The following NTM variants were observed in gnomAD, a reference collection of about 807,000 sequenced individuals.
The protein encoded by NTM is neurotrimin.
In NTM, 13 loss-of-function variants were observed where a neutral mutation model predicts 42.1. The ratio of observed to expected loss-of-function variants is 0.31; its 90% CI spans 0.20 to 0.49. The LOEUF is 0.49. Ranked by LOEUF, NTM falls within the 20% of genes least tolerant of loss-of-function variation. NTM has a pLI of 0.99. For missense variants in NTM, 373 were observed against 452.8 expected, an observed-to-expected ratio of 0.82 and a Z score of 1.60; for synonymous variants, 187 against 179.2, an observed-to-expected ratio of 1.04 and a Z score of -0.35.
chr11:131,680,768 C>CTT (rs1565415309), intron 1 of NTM, among the ~76,000 whole-genome samples: 1 of 117,278 alleles, frequency 8.5e-6, no homozygotes, highest in South Asian at 3.1e-4. Flanking sequence ...TGAGATCATG[C>CTT]CTATGTCTAT....
chr11:131,479,645 A>C (rs1953335685), intron 1 of NTM, among the ~76,000 whole-genome samples: 1 of 152,222 alleles, frequency 6.6e-6, no homozygotes, highest in South Asian at 2.1e-4. Context: ...TGGTTCTGGA[A>C]ATCTGTGGAC....
intron 4 of NTM, among the ~76,000 whole-genome samples, chr11:132,238,261 A>T (rs2089471294): frequency 6.6e-6 from 1 of 152,128 alleles, no homozygotes; most frequent in Admixed American, 6.5e-5. Context: ...CCCCGCCCAG[A>T]GATGTGTGCA....
chr11:131,702,541 G>T (rs567871108), intron 1 of NTM, among the ~76,000 whole-genome samples: 2 of 152,308 alleles, frequency 1.3e-5, no homozygotes, highest in African/African-American at 4.8e-5. Flanking sequence ...AGTGAGGGAA[G>T]AGTGCCCAGA....
chr11:131,899,268 T>C (rs1053044041), intron 1 of NTM, among the ~76,000 whole-genome samples: 3 of 152,118 alleles, frequency 2.0e-5, no homozygotes, highest in African/African-American at 7.2e-5. Flanking sequence ...GCCAAGCATG[T>C]GAAGGATTGG....
intron 1 of NTM, among the ~76,000 whole-genome samples, chr11:131,371,483 C>G (rs900083878): frequency 6.6e-6 from 1 of 151,860 alleles, no homozygotes; most frequent in Non-Finnish European, 1.5e-5. Context: ...TGGCTGGGGT[C>G]GGAGGTGTGG....
At chr11:131,595,220 C>A (rs931154796) in intron 1 of NTM, among the ~76,000 whole-genome samples, 1 of 152,128 alleles carries the variant, frequency 6.6e-6, no homozygotes, top group Non-Finnish European at 1.5e-5. Flanking sequence ...AAATCCTAGG[C>A]GTGGTCCACC....
chr11:131,795,066 T>C (rs1591909976), intron 1 of NTM: 1 of 749,830 alleles, frequency 1.3e-6, no homozygotes, highest in East Asian at 1.3e-4. Context: ...GCACTAGTGA[T>C]GTGGTCTTTA....
At chr11:131,805,843 G>A (rs538305238) in intron 1 of NTM, among the ~76,000 whole-genome samples, 7 of 152,020 alleles carry the variant, frequency 4.6e-5, no homozygotes, top group East Asian at 1.9e-4. Flanking sequence ...TAAATTTAAC[G>A]GAGCAAACAG....
chr11:131,523,782 CAAAAAAAAA>C (rs3040114), intron 1 of NTM, among the ~76,000 whole-genome samples: 25 of 72,192 alleles, frequency 3.5e-4, no homozygotes, highest in East Asian at 4.6e-4. Flanking sequence ...GACTCCATCT[CAAAAAAAAA>C]AAAAAAAAAA....
chr11:131,752,381 A>C (rs943371905), intron 1 of NTM, among the ~76,000 whole-genome samples: 1 of 152,246 alleles, frequency 6.6e-6, no homozygotes, highest in African/African-American at 2.4e-5. Flanking sequence ...TTAAAAAGTC[A>C]GGAAACAACA....
intron 3 of NTM, among the ~76,000 whole-genome samples, chr11:132,178,668 C>T (rs537788424): frequency 5.3e-5 from 8 of 152,198 alleles, no homozygotes; most frequent in Non-Finnish European, 1.2e-4. Context: ...ATCAACTTGG[C>T]TGTGAATCAT....
intron 1 of NTM, among the ~76,000 whole-genome samples, chr11:131,850,375 C>T (rs2136807861): frequency 6.6e-6 from 1 of 152,270 alleles, no homozygotes; most frequent in Non-Finnish European, 1.5e-5. Flanking sequence ...CCCCACTTCA[C>T]TTGGCTCCAA....
In NTM at chr11:131,515,292, G is replaced by A. The variant is rs190279182; in HGVS notation, c.82+144404G>A. ...ACCCACAGTGTTTGCAAGGCTGCAC[G>A]TAGATGGTGCTTGTCAATTACCTAG... On this transcript the variant is annotated intron_variant, in intron 1 of 8. Transcript: ENST00000683400. Among the ~76,000 whole-genome samples the A allele has an allele frequency of 8.5e-5, 13 of 152,282 alleles. No homozygotes were observed. The East Asian group carries it at 2.3e-3, about 27-fold the overall frequency.
intron 1 of NTM, among the ~76,000 whole-genome samples, chr11:131,552,578 G>A (rs1164218300): frequency 4.0e-5 from 6 of 151,596 alleles, no homozygotes; most frequent in Non-Finnish European, 4.4e-5. Flanking sequence ...CACTTTGGGA[G>A]GCTGAGGCAG....
At chr11:131,874,030 AATATATATATATATAT>A (rs59083400) in intron 1 of NTM, among the ~76,000 whole-genome samples, 10,415 of 76,742 alleles carry the variant, frequency 0.14, 1,076 homozygotes, top group East Asian at 0.27. Context: ...AATATAATAT[AATATATATATATATAT>A]ATATATATAT....
At chr11:131,500,371 C>T (rs1366939207) in intron 1 of NTM, among the ~76,000 whole-genome samples, 1 of 151,756 alleles carries the variant, frequency 6.6e-6, no homozygotes, top group East Asian at 1.9e-4. Context: ...TAATTCTTCT[C>T]AATGAACCCT....
At chr11:131,873,554 ATATATAC>A (rs2048036669) in intron 1 of NTM, among the ~76,000 whole-genome samples, 1 of 46,446 alleles carries the variant, frequency 2.2e-5, no homozygotes. Context: ...ATATACATAT[ATATATAC>A]CGTATATATA....
At chr11:131,511,941 C>T (rs998112683) in intron 1 of NTM, among the ~76,000 whole-genome samples, 1 of 152,124 alleles carries the variant, frequency 6.6e-6, no homozygotes, top group African/African-American at 2.4e-5. Flanking sequence ...CAGGGCCCGG[C>T]CCCTATTCTA....
intron 3 of NTM, among the ~76,000 whole-genome samples, chr11:132,176,722 G>GT (rs148699196): frequency 0.062 from 5,063 of 81,718 alleles, 616 homozygotes; most frequent in African/African-American, 0.088. Context: ...CATGCCTAAA[G>GT]TTTTTTTTTT....
Sources: gnomAD v4.1 joint callset for allele counts (sites outside exome capture counted in the v4.1 genomes callset) on GRCh38, gnomAD v4.1.1 for gene constraint, MANE v1.5 for transcripts, NCBI Gene and HGNC (gene_info 2026-07-23, HGNC 2026-07-21) for gene names.